The following IFNGR1 variants were observed in gnomAD, a reference collection of about 807,000 sequenced individuals.
IFNGR1 encodes AVP, type 2.
A neutral mutation model predicts 35.4 loss-of-function variants in IFNGR1; 23 were observed. That is an observed-to-expected ratio of 0.65 (90% CI 0.47 to 0.92). IFNGR1 has a LOEUF of 0.92. Ranked by LOEUF, IFNGR1 falls within the 40% of genes least tolerant of loss-of-function variation. IFNGR1 has a pLI of 0.00. For synonymous variants in IFNGR1, 199 were observed against 209.5 expected, an observed-to-expected ratio of 0.95 and a Z score of 0.43; for missense variants, 533 against 583.4, an observed-to-expected ratio of 0.91 and a Z score of 0.89.
intron 1 of IFNGR1, among the ~76,000 whole-genome samples, chr6:137,215,924 C>A (rs1288096734): frequency 6.6e-6 from 1 of 152,136 alleles, no homozygotes; most frequent in Non-Finnish European, 1.5e-5. Context: ...GTTGCCCAGG[C>A]TGGTCTTGAA....
chr6:137,212,211 C>T (rs988164839), intron 1 of IFNGR1, among the ~76,000 whole-genome samples: 2 of 152,160 alleles, frequency 1.3e-5, no homozygotes, highest in Non-Finnish European at 2.9e-5. Context: ...CAAGGACCCC[C>T]CTTCCTCTAG....
At chr6:137,216,807 C>T (rs183636640) in intron 1 of IFNGR1, among the ~76,000 whole-genome samples, 1 of 152,286 alleles carries the variant, frequency 6.6e-6, no homozygotes, top group Non-Finnish European at 1.5e-5. Context: ...TAATGAAAAG[C>T]AAGGCCGGGG....
intron 3 of IFNGR1, among the ~76,000 whole-genome samples, chr6:137,205,225 T>C (rs1261688828): frequency 6.6e-6 from 1 of 152,108 alleles, no homozygotes; most frequent in South Asian, 2.1e-4. Flanking sequence ...AGGAAGAGCC[T>C]GTAGAAGAGA....
intron 1 of IFNGR1, chr6:137,218,870 A>C: frequency 2.7e-6 from 1 of 372,194 alleles, no homozygotes; most frequent in Non-Finnish European, 5.2e-6. Context: ...TGCGTATCTA[A>C]CCATAAAAAA....
chr6:137,211,502 C>A (rs560498570), intron 1 of IFNGR1, among the ~76,000 whole-genome samples: 1 of 152,172 alleles, frequency 6.6e-6, no homozygotes, highest in Non-Finnish European at 1.5e-5. Context: ...ACTAACTTGA[C>A]CTTTTTGTGG....
intron 1 of IFNGR1, chr6:137,218,943 C>T: frequency 1.0e-5 from 5 of 502,402 alleles, no homozygotes; most frequent in Non-Finnish European, 1.8e-5. Context: ...TGACCAGCAA[C>T]GTCCTTCTGC....
At chr6:137,205,492 T>G (rs1779407256) in intron 3 of IFNGR1, among the ~76,000 whole-genome samples, 1 of 152,138 alleles carries the variant, frequency 6.6e-6, no homozygotes, top group South Asian at 2.1e-4. Context: ...GACCTGAAAA[T>G]CACAGTGGCT....
At chr6:137,204,241 T>C in intron 4 of IFNGR1, 91 bp downstream of exon 4, 1 of 1,072,914 alleles carries the variant, frequency 9.3e-7, no homozygotes, top group Non-Finnish European at 1.4e-6. Context: ...CTTGAATATT[T>C]ATAAGCATCC....
At chr6:137,217,985 C>T (rs1292022281) in intron 1 of IFNGR1, among the ~76,000 whole-genome samples, 1 of 152,304 alleles carries the variant, frequency 6.6e-6, no homozygotes, top group Non-Finnish European at 1.5e-5. Context: ...ACAAGCACCC[C>T]GCCTTGCTTT....
At chr6:137,207,446 A>C (rs1779465317) in intron 1 of IFNGR1, among the ~76,000 whole-genome samples, 1 of 152,216 alleles carries the variant, frequency 6.6e-6, no homozygotes, top group Non-Finnish European at 1.5e-5. Context: ...TACAGATTGT[A>C]TTCAATGTTG....
intron 4 of IFNGR1, 92 bp downstream of exon 4, chr6:137,204,240 T>TG: frequency 1.9e-6 from 2 of 1,065,196 alleles, no homozygotes; most frequent in Middle Eastern, 2.0e-4. Context: ...GCTTGAATAT[T>TG]TATAAGCATC....
At chr6:137,215,492 C>A (rs1452832880) in intron 1 of IFNGR1, 2 of 543,154 alleles carry the variant, frequency 3.7e-6, no homozygotes, top group African/African-American at 3.8e-5. Context: ...ATAAAGGCAC[C>A]CCTTTAATAA....
intron 2 of IFNGR1, chr6:137,206,739 C>A: frequency 1.8e-6 from 1 of 548,824 alleles, no homozygotes; most frequent in Non-Finnish European, 3.2e-6. Flanking sequence ...ATGCTAATCT[C>A]AGAAGTTTAG....
At position 137,219,194 on chromosome 6, in the gene IFNGR1, C is replaced by T. The variant is rs772975408; in HGVS notation, c.85+49G>A. 8.9e-6 allele frequency: 14 copies of T among 1,564,854 alleles called. No individual in the cohort carries two copies. In the Admixed American group the frequency reaches 9.6e-5, roughly 11 times the overall value. On this transcript the variant is annotated intron_variant, in intron 1 of 6. Transcript: ENST00000367739. ...GCTTCCCGGCTGGGGCGGATCCCTC[C>T]CTCCCTCTCGTCCCGACCCGGCCGC...
At chr6:137,218,403 G>T in intron 1 of IFNGR1, 1 of 911,772 alleles carries the variant, frequency 1.1e-6, no homozygotes, top group Non-Finnish European at 1.6e-6. Context: ...TCAATAAGCA[G>T]GTGGAAATAA....
chr6:137,199,545 A>T (rs28667105), intron 6 of IFNGR1, among the ~76,000 whole-genome samples: 2 of 70,166 alleles, frequency 2.9e-5, no homozygotes, highest in African/African-American at 9.7e-5. Flanking sequence ...AATATATATT[A>T]TATAACATAT....
At chr6:137,214,107 A>G (rs747648340) in intron 1 of IFNGR1, among the ~76,000 whole-genome samples, 2 of 152,196 alleles carry the variant, frequency 1.3e-5, no homozygotes, top group Non-Finnish European at 2.9e-5. Flanking sequence ...AAATGTTTCA[A>G]ATTAAAGCAT....
chr6:137,203,037 C>T (rs1779323520), intron 5 of IFNGR1, among the ~76,000 whole-genome samples: 3 of 151,942 alleles, frequency 2.0e-5, no homozygotes, highest in African/African-American at 7.3e-5. Context: ...TATTCAAACC[C>T]ATCTATAAAC....
At chr6:137,208,755 C>T (rs1014620373) in intron 1 of IFNGR1, among the ~76,000 whole-genome samples, 4 of 152,238 alleles carry the variant, frequency 2.6e-5, no homozygotes, top group Admixed American at 1.3e-4. Flanking sequence ...AGAACCTCTG[C>T]TAGGCCAGTG....
Sources: gnomAD v4.1 joint callset for allele counts (sites outside exome capture counted in the v4.1 genomes callset) on GRCh38, gnomAD v4.1.1 for gene constraint, MANE v1.5 for transcripts, NCBI Gene and HGNC (gene_info 2026-07-23, HGNC 2026-07-21) for gene names.